The following ATP11C variants were observed in gnomAD, a reference collection of about 807,000 sequenced individuals.
ATP11C encodes the protein ATPase phospholipid transporting 11C (ATP11C blood group).
In ATP11C, 36 loss-of-function variants were observed where a neutral mutation model predicts 97.4. The ratio of observed to expected loss-of-function variants is 0.37; its 90% confidence interval spans 0.28 to 0.49. The LOEUF (loss-of-function observed/expected upper bound fraction) is 0.49. Among genes scored for constraint, ATP11C ranks in the 20% least tolerant of loss-of-function variants. ATP11C has a pLI of 0.98. For missense variants in ATP11C, 730 were observed against 824.6 expected, an observed-to-expected ratio of 0.89 and a Z score of 1.40; for synonymous variants, 275 against 290.9, an observed-to-expected ratio of 0.95 and a Z score of 0.56.
At chrX:139,762,439 T>C (rs533763055) in intron 21 of ATP11C, among the ~76,000 whole-genome samples, 2 of 111,474 alleles carry the variant, frequency 1.8e-5, no homozygotes, top group South Asian at 7.6e-4. Flanking sequence ...TGTATGACGC[T>C]AGACTAGGTG....
At chrX:139,900,592 T>A (rs1240650360) in intron 1 of ATP11C, among the ~76,000 whole-genome samples, 1 of 111,647 alleles carries the variant, frequency 9.0e-6, no homozygotes, top group Non-Finnish European at 1.9e-5. Context: ...GAACCCTTAT[T>A]TTTTAAAGTT....
At chrX:139,802,728 A>T (rs781205013) in intron 6 of ATP11C, among the ~76,000 whole-genome samples, 10 of 111,820 alleles carry the variant, frequency 8.9e-5, no homozygotes, top group African/African-American at 2.3e-4. Context: ...GGCAATGGAG[A>T]TATACACATA....
chrX:139,911,669 A>C (rs1423534215), intron 1 of ATP11C, among the ~76,000 whole-genome samples: 1 of 110,609 alleles, frequency 9.0e-6, no homozygotes, highest in African/African-American at 3.3e-5. Context: ...ACACACACAC[A>C]CCCCACAAGA....
At position 139,845,985 on chromosome X, in the gene ATP11C, A is replaced by T. The variant is rs546264444; in HGVS notation, c.28-19162T>A. Among the ~76,000 whole-genome samples, 8 of 112,101 alleles carry T rather than the reference A, an allele frequency of 7.1e-5. No homozygotes were observed. The South Asian group carries it at 3.0e-3, about 41-fold the overall frequency. ...AGATCGCTCAGATTGTTGTGTGGGGATCTCTGTCACATAAACTTCATTATG... is the reference window on the plus strand; with the variant it reads ...AGATCGCTCAGATTGTTGTGTGGGGTTCTCTGTCACATAAACTTCATTATG... On this transcript the variant is annotated intron_variant, in intron 1 of 29. Coordinates refer to ENST00000682941, the MANE Select transcript of ATP11C (RefSeq NM_001353812.2).
Position 139,774,885 on chromosome X carries a change from G to C in ATP11C, c.2021C>G (p.Thr674Ser), listed in dbSNP as rs1477535693. ...TTTAGCTGTCTCCATCTTGTCCCCA[G>C]TGAGCACCCAGACTTTCAGGCCTGC... ...HAAGLKVWVL[T>S]GDKMETAKST... The change falls in exon 19 of 30, where the codon ACT (threonine) becomes AGT (serine). Residue 674 changes from threonine (T) to serine (S), a missense_variant. Transcript: ENST00000682941. 8.3e-7 allele frequency: 1 copy of C among 1,211,741 alleles called. No individual in the cohort carries two copies. The highest frequency in any genetic ancestry group is 3.0e-5 in the East Asian group (1 of 33,851).
intron 1 of ATP11C, among the ~76,000 whole-genome samples, chrX:139,910,823 TA>T (rs202163880): frequency 3.8e-4 from 39 of 102,684 alleles, no homozygotes; most frequent in South Asian, 1.3e-3. Flanking sequence ...AGATACATGA[TA>T]AAAAAAAAAC....
At chrX:139,748,213 T>G (rs2148645478) in intron 24 of ATP11C, among the ~76,000 whole-genome samples, 1 of 111,459 alleles carries the variant, frequency 9.0e-6, no homozygotes, top group Non-Finnish European at 1.9e-5. Context: ...GCTCATTTAC[T>G]CCTCACAAAA....
At chrX:139,931,211 T>C (rs1207347397) in intron 1 of ATP11C, among the ~76,000 whole-genome samples, 1 of 112,224 alleles carries the variant, frequency 8.9e-6, no homozygotes, top group Non-Finnish European at 1.9e-5. Flanking sequence ...AAAGCGATTT[T>C]CCCTATGGCT....
intron 1 of ATP11C, among the ~76,000 whole-genome samples, chrX:139,913,885 G>C (rs1346875538): frequency 9.0e-6 from 1 of 111,541 alleles, no homozygotes; most frequent in Non-Finnish European, 1.9e-5. Context: ...CCCATCCAAA[G>C]TATATAAAAT....
Position 139,728,311 on chromosome X carries a change from G to GT in ATP11C, c.*654dup, listed in dbSNP as rs201007214. Reference sequence around the variant, plus strand: ...TTTTTCTATTCCCACAAAAATACCCGTAAGTTAACACTTTCCACATAAGCG... The same window carrying GT: ...TTTTTCTATTCCCACAAAAATACCCGTTAAGTTAACACTTTCCACATAAGCG... On this transcript the variant is annotated 3_prime_UTR_variant, in exon 30 of 30. Transcript: ENST00000682941. The GT allele has an allele frequency of 9.2e-3, 1,028 of 111,972 alleles. 7 individuals are homozygous for GT. The highest frequency in any genetic ancestry group is 0.016 in the Non-Finnish European group (830 of 52,983). The allele number at this position is 111,972 out of a possible 1,213,427, so 9.2% of individuals were successfully genotyped here.
intron 1 of ATP11C, among the ~76,000 whole-genome samples, chrX:139,868,808 G>A (rs1391381960): frequency 1.8e-5 from 2 of 110,283 alleles, no homozygotes; most frequent in Non-Finnish European, 3.8e-5. Flanking sequence ...ATAGACAAAG[G>A]AACTGAATAG....
chrX:139,920,014 GA>G lies in ATP11C; in HGVS notation c.27+12001del, dbSNP rs2085230517. Among the ~76,000 whole-genome samples, 3 of 111,846 alleles carry G rather than the reference GA, an allele frequency of 2.7e-5. No individual in the cohort carries two copies. In the Admixed American group the frequency reaches 2.8e-4, roughly 11 times the overall value. ...ACAACCCAAATGTCCATCAGCTGAT[GA>G]ACAGATAAATAAAATGTGCTCTCTC... On this transcript the variant is annotated intron_variant, in intron 1 of 29. Transcript: ENST00000682941.
At chrX:139,790,477 C>T (rs1332379943) in intron 12 of ATP11C, among the ~76,000 whole-genome samples, 1 of 110,478 alleles carries the variant, frequency 9.1e-6, no homozygotes, top group Non-Finnish European at 1.9e-5. Flanking sequence ...CACACACACA[C>T]ACACACACAC....
At position 139,731,734 on chromosome X, in the gene ATP11C, C is replaced by A. The variant is rs1226159800; in HGVS notation, c.3310G>T (p.Ala1104Ser). The A allele has an allele frequency of 8.4e-7, 1 of 1,187,777 alleles. No homozygotes were observed. Among genetic ancestry groups the A allele is most frequent in the Admixed American group, 2.2e-5 (1 of 45,288 alleles). The change falls in exon 29 of 30, where the codon GCA becomes TCA. Residue 1104 changes from alanine to serine, a missense_variant. Coordinates refer to ENST00000682941, the MANE Select transcript of ATP11C (RefSeq NM_001353812.2). Reference sequence around the variant, plus strand: ...GGTCTGGCGGATAATGAGTCAGATGCCCTTCTACAGCTCAGATTTCTCTGT... The same window carrying A: ...GGTCTGGCGGATAATGAGTCAGATGACCTTCTACAGCTCAGATTTCTCTGT... ...SARRNLSCRR[A>S]SDSLSARPSV...
In ATP11C at chrX:139,740,509, T is replaced by C. The variant is rs925620936; in HGVS notation, c.3134+482A>G. Among the ~76,000 whole-genome samples, 4 of 111,931 alleles carry C rather than the reference T, an allele frequency of 3.6e-5. No homozygotes were observed. In the Admixed American group the frequency reaches 3.8e-4, roughly 11 times the overall value. Reference sequence around the variant, plus strand: ...AAACAGTAAGATGACAATTTCAAAATACAACCCTCTGAATTATTAAGTTGT... The same window carrying C: ...AAACAGTAAGATGACAATTTCAAAACACAACCCTCTGAATTATTAAGTTGT... On this transcript the variant is annotated intron_variant, in intron 27 of 29. Coordinates refer to ENST00000682941, the MANE Select transcript of ATP11C (RefSeq NM_001353812.2).
intron 1 of ATP11C, among the ~76,000 whole-genome samples, chrX:139,834,706 A>G (rs1190922827): frequency 8.9e-6 from 1 of 112,211 alleles, no homozygotes; most frequent in Non-Finnish European, 1.9e-5. Context: ...ACTGCCAACT[A>G]GGAATGCCAC....
intron 1 of ATP11C, among the ~76,000 whole-genome samples, chrX:139,869,624 A>G (rs3002108): frequency 0.048 from 4,857 of 101,040 alleles, 271 homozygotes; most frequent in African/African-American, 0.17. Flanking sequence ...TCTACTAAAA[A>G]AAAAAAAAAA....
chrX:139,761,789 C>G (rs1192260873), intron 22 of ATP11C, among the ~76,000 whole-genome samples, 172 bp downstream of exon 22: 1 of 109,830 alleles, frequency 9.1e-6, no homozygotes, highest in Admixed American at 9.8e-5. Context: ...CATCAAAAGG[C>G]ATTTCTGGTT....
chrX:139,778,306 A>C (rs993568208), intron 18 of ATP11C, among the ~76,000 whole-genome samples: 2 of 112,106 alleles, frequency 1.8e-5, no homozygotes, highest in African/African-American at 6.5e-5. Context: ...AGAAATGCTT[A>C]AAGGAGCTCT....
Sources: gnomAD v4.1 joint callset for allele counts (sites outside exome capture counted in the v4.1 genomes callset) on GRCh38, gnomAD v4.1.1 for gene constraint, MANE v1.5 for transcripts, NCBI Gene and HGNC (gene_info 2026-07-23, HGNC 2026-07-21) for gene names.